The following RARB variants were observed in gnomAD, a reference collection of about 807,000 sequenced individuals.
RARB encodes the protein HBV-activated protein.
Under a neutral mutation model 51.9 loss-of-function variants are expected in RARB, and 17 were observed. The observed-to-expected ratio is 0.33, with a 90% confidence interval of 0.22 to 0.49. RARB has a LOEUF of 0.49. Ranked by LOEUF, RARB falls within the 20% of genes least tolerant of loss-of-function variation. RARB has a pLI of 0.99. For missense variants in RARB, 369 were observed against 550.8 expected, an observed-to-expected ratio of 0.67 and a Z score of 3.30; for synonymous variants, 215 against 195.4, an observed-to-expected ratio of 1.10 and a Z score of -0.84.
chr3:25,157,834 T>C (rs1007264034), intron 4 of RARB, among the ~76,000 whole-genome samples: 2 of 152,232 alleles, frequency 1.3e-5, no homozygotes, highest in Non-Finnish European at 2.9e-5. Context: ...ATTGCTATGG[T>C]TTGTTTCCTT....
intron 5 of RARB, among the ~76,000 whole-genome samples, chr3:25,266,032 C>A (rs888788866): frequency 6.6e-6 from 1 of 152,182 alleles, no homozygotes; most frequent in Non-Finnish European, 1.5e-5. Flanking sequence ...CATTCCTCTT[C>A]CAGCTTTAAG....
intron 5 of RARB, among the ~76,000 whole-genome samples, chr3:25,182,563 T>C (rs1700883656): frequency 6.6e-6 from 1 of 152,192 alleles, no homozygotes; most frequent in Non-Finnish European, 1.5e-5. Flanking sequence ...CTGATATATA[T>C]TTAACACATA....
intron 2 of RARB, among the ~76,000 whole-genome samples, chr3:24,925,721 C>T (rs770013833): frequency 2.0e-5 from 3 of 148,382 alleles, no homozygotes; most frequent in East Asian, 2.0e-4. Flanking sequence ...TTTTGAAATG[C>T]GGCAAGCTAT....
intron 2 of RARB, among the ~76,000 whole-genome samples, chr3:24,993,842 C>A (rs1229369543): frequency 6.6e-6 from 1 of 152,108 alleles, no homozygotes; most frequent in African/African-American, 2.4e-5. Flanking sequence ...GGATTTCATT[C>A]TCTTTATGGC....
At chr3:25,070,184 G>C (rs1698740830) in intron 3 of RARB, among the ~76,000 whole-genome samples, 1 of 152,106 alleles carries the variant, frequency 6.6e-6, no homozygotes, top group Non-Finnish European at 1.5e-5. Flanking sequence ...GTGTGTCTCT[G>C]TCTTTGCATG....
intron 5 of RARB, among the ~76,000 whole-genome samples, chr3:25,181,772 T>C (rs905087397): frequency 2.0e-5 from 3 of 152,154 alleles, no homozygotes; most frequent in Non-Finnish European, 4.4e-5. Flanking sequence ...TGCAAGTCAG[T>C]AGTAGGTTGA....
At chr3:24,920,417 T>C (rs1396996902) in intron 2 of RARB, among the ~76,000 whole-genome samples, 1 of 152,218 alleles carries the variant, frequency 6.6e-6, no homozygotes, top group African/African-American at 2.4e-5. Context: ...GTATTAAAAA[T>C]GGTAGTCTTT....
intron 2 of RARB, among the ~76,000 whole-genome samples, chr3:24,952,736 T>C (rs1695924004): frequency 6.6e-6 from 1 of 151,406 alleles, no homozygotes; most frequent in Non-Finnish European, 1.5e-5. Context: ...CCTGTCACCC[T>C]CTTTTTTTCT....
intron 2 of RARB, among the ~76,000 whole-genome samples, chr3:24,896,429 T>G (rs1703480583): frequency 6.6e-6 from 1 of 152,008 alleles, no homozygotes; most frequent in African/African-American, 2.4e-5. Context: ...CCGGCTAATT[T>G]TTTGTATTTT....
chr3:25,428,937 C>G, intron 1 of RARB, 49 bp downstream of exon 1: 1 of 1,547,694 alleles, frequency 6.5e-7, no homozygotes, highest in East Asian at 2.3e-5. Flanking sequence ...AAAATTGTCT[C>G]TCTTGCATGC....
chr3:24,979,961 C>T lies in RARB; in HGVS notation c.-379-80164C>T, dbSNP rs541963051. ...CTTCAGGAGCTCTTGTAAGGCAGGC[C>T]TGGTGGTGACAAAATCTTTCAGCAT... On this transcript the variant is annotated intron_variant, in intron 2 of 11. Transcript: ENST00000383772. Among the ~76,000 whole-genome samples the T allele has an allele frequency of 2.1e-3, 318 of 152,238 alleles. 1 individual carries two copies. The highest frequency in any genetic ancestry group is 7.2e-3 in the African/African-American group (298 of 41,530).
intron 5 of RARB, among the ~76,000 whole-genome samples, chr3:25,360,209 G>A (rs1705886093): frequency 2.0e-5 from 3 of 152,166 alleles, no homozygotes; most frequent in Admixed American, 2.0e-4. Context: ...TTGTTGTGTT[G>A]ATCCCTTTAC....
intron 5 of RARB, among the ~76,000 whole-genome samples, chr3:25,286,384 A>G (rs570353414): frequency 2.6e-5 from 4 of 152,242 alleles, no homozygotes; most frequent in African/African-American, 7.2e-5. Context: ...CACTGTGCCC[A>G]GCCCAACTTG....
At chr3:25,524,760 C>T (rs529134978) in intron 3 of RARB, among the ~76,000 whole-genome samples, 7 of 151,696 alleles carry the variant, frequency 4.6e-5, no homozygotes, top group South Asian at 4.2e-4. Context: ...GATACAGTCT[C>T]GCTTTGTCAC....
At chr3:25,525,800 G>A (rs1017606048) in intron 3 of RARB, among the ~76,000 whole-genome samples, 1 of 152,160 alleles carries the variant, frequency 6.6e-6, no homozygotes, top group Non-Finnish European at 1.5e-5. Flanking sequence ...TTTATGAAAA[G>A]TGGTCACGGA....
At chr3:25,085,978 C>T (rs1699097308) in intron 3 of RARB, among the ~76,000 whole-genome samples, 1 of 152,146 alleles carries the variant, frequency 6.6e-6, no homozygotes, top group South Asian at 2.1e-4. Context: ...AGAAGTTCTC[C>T]TCCACGTAAC....
chr3:25,303,237 C>G lies in RARB; in HGVS notation c.178+128662C>G, dbSNP rs141364485. 2.7e-3 allele frequency among the ~76,000 whole-genome samples: 418 copies of G among 152,310 alleles called. 1 individual carries two copies. The highest frequency in any genetic ancestry group is 9.7e-3 in the African/African-American group (405 of 41,556). On this transcript the variant is annotated intron_variant, in intron 5 of 11. Coordinates refer to the RARB transcript ENST00000383772. Reference sequence around the variant, plus strand: ...CATTCGCAGGTGAGAAAACCCAAGTCAGAGAGATTGTGACCCAAGAAGCAA... The same window carrying G: ...CATTCGCAGGTGAGAAAACCCAAGTGAGAGAGATTGTGACCCAAGAAGCAA...
At chr3:24,916,503 C>T (rs13086160) in intron 2 of RARB, among the ~76,000 whole-genome samples, 31,845 of 152,006 alleles carry the variant, frequency 0.21, 4,205 homozygotes, top group East Asian at 0.32. Flanking sequence ...ATTACCTACT[C>T]CCTCTAGGTA....
chr3:25,421,403 CTTTTTTTTTTTTTT>C (rs766378555), intron 5 of RARB, among the ~76,000 whole-genome samples: 4 of 72,374 alleles, frequency 5.5e-5, no homozygotes, highest in Admixed American at 1.4e-4. Flanking sequence ...TTCTTCTTTT[CTTTTTTTTTTTTTT>C]TTTTTTTTTT....
Sources: gnomAD v4.1 joint callset for allele counts (sites outside exome capture counted in the v4.1 genomes callset) on GRCh38, gnomAD v4.1.1 for gene constraint, MANE v1.5 for transcripts, NCBI Gene and HGNC (gene_info 2026-07-23, HGNC 2026-07-21) for gene names.